Variants in FANCL observed in about 807,000 individuals in gnomAD.
The protein encoded by FANCL is FA complementation group L.
FANCL carries 69 observed loss-of-function variants against 59.4 expected under a neutral mutation model. The ratio of observed to expected loss-of-function variants is 1.16; its 90% CI spans 0.96 to 1.42. The LOEUF (loss-of-function observed/expected upper bound fraction) is 1.42, where lower values mean the gene tolerates loss of function less well. FANCL is among the 40% of genes most tolerant of loss of function. The probability of loss-of-function intolerance (pLI) is 0.00; values close to 1 mark genes in which losing one functional copy is unlikely to be tolerated. For synonymous variants in FANCL, 180 were observed against 147.1 expected (o/e 1.22, Z -1.62); for missense variants, 519 against 447.2 (o/e 1.16, Z -1.45).
intron 3 of FANCL, among the ~76,000 whole-genome samples, chr2:58,229,122 C>T (rs1035146591): frequency 2.0e-5 from 3 of 152,086 alleles, no homozygotes; most frequent in Non-Finnish European, 4.4e-5. Context: ...CTGTGATTGT[C>T]AGTTATCATA....
At chr2:58,174,821 G>A (rs1407065441) in intron 7 of FANCL, among the ~76,000 whole-genome samples, 1 of 151,958 alleles carries the variant, frequency 6.6e-6, no homozygotes, top group African/African-American at 2.4e-5. Flanking sequence ...AGACACAAAA[G>A]ACCCTTCAAA....
intron 8 of FANCL, among the ~76,000 whole-genome samples, chr2:58,164,582 C>A (rs1166526384): frequency 2.0e-5 from 3 of 151,550 alleles, no homozygotes; most frequent in Non-Finnish European, 3.0e-5. Context: ...GCAAATCATG[C>A]CTGGAGGAGA....
intron 7 of FANCL, among the ~76,000 whole-genome samples, chr2:58,184,817 A>T (rs541365953): frequency 5.5e-4 from 84 of 152,190 alleles, no homozygotes; most frequent in South Asian, 4.6e-3. Flanking sequence ...GACCTTAAAA[A>T]GTCCCCCAAA....
intron 1 of FANCL, 30 bp downstream of exon 1, chr2:58,241,188 T>C: frequency 6.2e-7 from 1 of 1,611,502 alleles, no homozygotes; most frequent in Non-Finnish European, 8.5e-7. Flanking sequence ...AGAGGCTCTC[T>C]TAGCTAGAAA....
chr2:58,187,534 G>A (rs1380384839), intron 7 of FANCL, among the ~76,000 whole-genome samples: 1 of 151,674 alleles, frequency 6.6e-6, no homozygotes, highest in East Asian at 1.9e-4. Flanking sequence ...CCTGCACGTT[G>A]TGCACACGTA....
chr2:58,222,393 T>C (rs544763003), intron 4 of FANCL, among the ~76,000 whole-genome samples: 70 of 152,240 alleles, frequency 4.6e-4, no homozygotes, highest in African/African-American at 1.5e-3. Context: ...GTTTGATATA[T>C]ACATTTTTTA....
chr2:58,192,098 A>G (rs534829701), intron 7 of FANCL, among the ~76,000 whole-genome samples: 3 of 151,860 alleles, frequency 2.0e-5, no homozygotes, highest in Non-Finnish European at 4.4e-5. Flanking sequence ...TCAGCAAGTA[A>G]ATCAGTTAAC....
intron 5 of FANCL, among the ~76,000 whole-genome samples, chr2:58,215,283 T>G (rs1691602782): frequency 1.3e-5 from 2 of 152,224 alleles, no homozygotes; most frequent in African/African-American, 4.8e-5. Context: ...TTGTTATGCT[T>G]AATTTTATTT....
At chr2:58,216,717 A>G (rs181495324) in intron 5 of FANCL, among the ~76,000 whole-genome samples, 108 of 152,122 alleles carry the variant, frequency 7.1e-4, no homozygotes, top group Non-Finnish European at 1.2e-3. Context: ...AAGTGAAAAC[A>G]GAATGCACAC....
chr2:58,211,056 C>T (rs936825199), intron 5 of FANCL, among the ~76,000 whole-genome samples: 19 of 152,184 alleles, frequency 1.2e-4, no homozygotes, highest in African/African-American at 3.9e-4. Flanking sequence ...CTACACTAGG[C>T]GGTGCCTCAG....
At chr2:58,209,866 T>G (rs1325100782) in intron 5 of FANCL, among the ~76,000 whole-genome samples, 1 of 152,186 alleles carries the variant, frequency 6.6e-6, no homozygotes, top group Non-Finnish European at 1.5e-5. Flanking sequence ...GCATTAACAA[T>G]TATACAAAAT....
chr2:58,189,935 T>C (rs753849862), intron 7 of FANCL, among the ~76,000 whole-genome samples: 85 of 152,074 alleles, frequency 5.6e-4, no homozygotes, highest in Non-Finnish European at 9.6e-4. Context: ...CCTTTTTTTT[T>C]CTTTATCTTT....
At position 58,163,506 on chromosome 2, in the gene FANCL, A is replaced by G. The variant is rs1383696633; in HGVS notation, c.703T>C (p.Ser235Pro). The G allele has an allele frequency of 6.3e-7, 1 of 1,593,826 alleles. No individual in the cohort carries two copies. The highest frequency in any genetic ancestry group is 8.6e-7 in the Non-Finnish European group (1 of 1,161,932). Residue 235 changes from serine (S) to proline (P), a missense_variant, in exon 9 of 14, where the codon TCC (serine) becomes CCC (proline). Transcript: ENST00000233741. Reference protein sequence around the residue: ...ARRIALGNNVSINIEVDPRHP... With the variant: ...ARRIALGNNVPINIEVDPRHP... ...CTGGGGTCTACCTCTATATTTATGGAAACATTATTACCTAGAATGAAACAA... is the reference window on the plus strand; with the variant it reads ...CTGGGGTCTACCTCTATATTTATGGGAACATTATTACCTAGAATGAAACAA...
chr2:58,240,857 G>A (rs921010472), intron 1 of FANCL, among the ~76,000 whole-genome samples: 2 of 152,188 alleles, frequency 1.3e-5, no homozygotes, highest in Non-Finnish European at 2.9e-5. Flanking sequence ...ATCCGTGGAG[G>A]TGGAGGGTGT....
At chr2:58,198,112 G>A (rs982983515) in intron 7 of FANCL, among the ~76,000 whole-genome samples, 1 of 151,780 alleles carries the variant, frequency 6.6e-6, no homozygotes, top group Non-Finnish European at 1.5e-5. Flanking sequence ...TGCATGTAGA[G>A]AGGGAGAAAG....
chr2:58,173,423 C>G (rs1305530551), intron 7 of FANCL, among the ~76,000 whole-genome samples: 2 of 152,196 alleles, frequency 1.3e-5, no homozygotes, highest in East Asian at 3.9e-4. Context: ...GCCCATCAGA[C>G]TAACAGCTGA....
At chr2:58,239,632 G>A (rs1694330983) in intron 1 of FANCL, among the ~76,000 whole-genome samples, 1 of 152,108 alleles carries the variant, frequency 6.6e-6, no homozygotes, top group Non-Finnish European at 1.5e-5. Flanking sequence ...TAAATATCCT[G>A]ATTTTAATCA....
intron 7 of FANCL, among the ~76,000 whole-genome samples, chr2:58,185,798 C>CA (rs1367407966): frequency 1.3e-5 from 2 of 152,058 alleles, no homozygotes; most frequent in African/African-American, 2.4e-5. Context: ...AGGAGATAAA[C>CA]AAAAATTCTG....
chr2:58,169,654 G>C (rs1250102525), intron 7 of FANCL, among the ~76,000 whole-genome samples: 2 of 151,744 alleles, frequency 1.3e-5, no homozygotes, highest in Non-Finnish European at 2.9e-5. Context: ...TAAGAACCTT[G>C]AAAAAAAGTT....
Sources: allele counts gnomAD v4.1 joint callset (sites outside exome capture counted in the v4.1 genomes callset), GRCh38; gene constraint gnomAD v4.1.1; transcripts MANE v1.5; gene names NCBI Gene and HGNC (gene_info 2026-07-23, HGNC 2026-07-21).